Variants in APPBP2 observed in about 807,000 individuals in gnomAD.
APPBP2 encodes the protein amyloid beta precursor protein binding protein 2.
A neutral mutation model predicts 76.0 loss-of-function variants in APPBP2; 15 were observed. The observed-to-expected ratio is 0.20, with a 90% CI of 0.13 to 0.30. The LOEUF is 0.30. APPBP2 is among the 10% of genes least tolerant of loss of function. APPBP2 has a pLI of 1.00. For synonymous variants in APPBP2, 222 were observed against 242.2 expected (o/e 0.92, Z 0.77); for missense variants, 401 against 687.2 (o/e 0.58, Z 4.66).
intron 3 of APPBP2, among the ~76,000 whole-genome samples, chr17:60,479,725 A>G (rs1476500694): frequency 3.9e-5 from 6 of 152,188 alleles, no homozygotes; most frequent in Non-Finnish European, 7.3e-5. Context: ...ATTTTTTTAA[A>G]CAAGAAATTA....
intron 12 of APPBP2, among the ~76,000 whole-genome samples, chr17:60,450,993 T>C (rs1233182187): frequency 6.6e-6 from 1 of 152,180 alleles, no homozygotes; most frequent in African/African-American, 2.4e-5. Context: ...AGGCACTTCA[T>C]AAGATGATGG....
At chr17:60,451,790 T>C in intron 12 of APPBP2, 90 bp downstream of exon 12, 1 of 1,237,452 alleles carries the variant, frequency 8.1e-7, no homozygotes, top group South Asian at 1.5e-5. Flanking sequence ...CATTTAAGTC[T>C]TTAATAACAT....
At chr17:60,482,210 T>A (rs574119632) in intron 3 of APPBP2, among the ~76,000 whole-genome samples, 10 of 152,178 alleles carry the variant, frequency 6.6e-5, no homozygotes, top group Non-Finnish European at 1.2e-4. Context: ...AAACTTAATT[T>A]TAAGAAATGT....
intron 3 of APPBP2, among the ~76,000 whole-genome samples, chr17:60,492,801 T>C (rs1345872155): frequency 6.6e-6 from 1 of 152,194 alleles, no homozygotes; most frequent in African/African-American, 2.4e-5. Flanking sequence ...GACTGTGGAC[T>C]TTTTGAGTTA....
At chr17:60,505,390 A>G (rs1310459926) in intron 1 of APPBP2, among the ~76,000 whole-genome samples, 1 of 152,218 alleles carries the variant, frequency 6.6e-6, no homozygotes, top group African/African-American at 2.4e-5. Context: ...ATCTTGGCTC[A>G]CTGCAAGCTC....
intron 2 of APPBP2, among the ~76,000 whole-genome samples, chr17:60,494,970 T>C (rs1178095934): frequency 1.6e-5 from 2 of 128,968 alleles, no homozygotes; most frequent in Non-Finnish European, 3.0e-5. Context: ...GAAGAGTTTT[T>C]TTTGTTTTGT....
intron 4 of APPBP2, among the ~76,000 whole-genome samples, chr17:60,467,212 T>C (rs2090517890): frequency 6.6e-6 from 1 of 152,114 alleles, no homozygotes; most frequent in East Asian, 1.9e-4. Flanking sequence ...ATCAAGCCAA[T>C]ACAACTTTCT....
At position 60,447,747 on chromosome 17, in the gene APPBP2, T is replaced by C; in HGVS notation, c.1592A>G (p.Glu531Gly). ...IKLYNSIGNY[E>G]KVFEYHNVLS... The stretch of plus-strand genomic sequence containing the variant: ...AACATTGTGATATTCAAACACTTTC[T>C]CGTAATTTCCAATGGAGTTGTAAAG... Residue 531 changes from glutamate to glycine, a missense_variant, in exon 13 of 13, where the codon GAG (glutamate) becomes GGG (glycine). Coordinates refer to ENST00000083182, the MANE Select transcript of APPBP2 (RefSeq NM_006380.5). The C allele has an allele frequency of 6.2e-7, 1 of 1,614,068 alleles. No individual in the cohort carries two copies. Among genetic ancestry groups the C allele is most frequent in the South Asian group, 1.1e-5 (1 of 91,078 alleles).
chr17:60,486,473 T>C (rs904551557), intron 3 of APPBP2, among the ~76,000 whole-genome samples: 1 of 148,300 alleles, frequency 6.7e-6, no homozygotes, highest in South Asian at 2.1e-4. Flanking sequence ...CTTTTGATCT[T>C]TGTTGGTTTA....
At chr17:60,450,778 A>G (rs948709125) in intron 12 of APPBP2, among the ~76,000 whole-genome samples, 2 of 148,970 alleles carry the variant, frequency 1.3e-5, no homozygotes, top group African/African-American at 2.6e-5. Flanking sequence ...TCTCAAAAAA[A>G]AAAAAAGAAA....
At chr17:60,498,548 G>T (rs910297488) in intron 2 of APPBP2, among the ~76,000 whole-genome samples, 1 of 151,976 alleles carries the variant, frequency 6.6e-6, no homozygotes, top group African/African-American at 2.4e-5. Context: ...ATCAATAATA[G>T]AATGAATAAT....
intron 12 of APPBP2, among the ~76,000 whole-genome samples, chr17:60,450,732 T>G (rs1392039844): frequency 2.2e-5 from 3 of 139,404 alleles, no homozygotes; most frequent in Non-Finnish European, 4.6e-5. Flanking sequence ...TGAGCCCTGA[T>G]GTGCACTCCA....
chr17:60,480,868 C>CACTCT (rs1207349286), intron 3 of APPBP2, among the ~76,000 whole-genome samples: 1 of 152,160 alleles, frequency 6.6e-6, no homozygotes, highest in African/African-American at 2.4e-5. Flanking sequence ...GAGCAATGGA[C>CACTCT]ACTCTCCTTC....
intron 1 of APPBP2, among the ~76,000 whole-genome samples, chr17:60,524,299 G>A (rs1299801975): frequency 6.6e-6 from 1 of 152,160 alleles, no homozygotes; most frequent in African/African-American, 2.4e-5. Flanking sequence ...GATTACACAT[G>A]ATTTAATAAA....
intron 6 of APPBP2, 86 bp downstream of exon 6, chr17:60,463,934 TA>T: frequency 1.0e-6 from 1 of 952,832 alleles, no homozygotes; most frequent in Non-Finnish European, 1.6e-6. Flanking sequence ...TACAAATAAC[TA>T]AAATGTTAAA....
At chr17:60,489,146 C>T (rs1189287526) in intron 3 of APPBP2, among the ~76,000 whole-genome samples, 1 of 151,734 alleles carries the variant, frequency 6.6e-6, no homozygotes, top group Non-Finnish European at 1.5e-5. Flanking sequence ...GGCTTGAACC[C>T]GGGAGGAGGA....
chr17:60,520,676 T>TG (rs2091003033), intron 1 of APPBP2, among the ~76,000 whole-genome samples: 1 of 152,116 alleles, frequency 6.6e-6, no homozygotes, highest in Non-Finnish European at 1.5e-5. Context: ...ACTTTGTATT[T>TG]GGAAAAAACA....
chr17:60,512,936 TAAAA>T (rs961836060), intron 1 of APPBP2, among the ~76,000 whole-genome samples: 1 of 137,248 alleles, frequency 7.3e-6, no homozygotes, highest in Non-Finnish European at 1.6e-5. Context: ...AGTCTTCACT[TAAAA>T]AAAAAATTTT....
rs2090479007 is a variant in APPBP2 at position 60,461,979 on chromosome 17, A to C, written c.830+15T>G. 1 of 1,611,628 alleles carries C rather than the reference A, an allele frequency of 6.2e-7. No individual in the cohort carries two copies. On this transcript the variant is annotated intron_variant, in intron 7 of 12. Transcript: ENST00000083182. ...GAGACAATTTAAAAGGATATTTTTA[A>C]TAATAATCACCTACCGTGCCAAATA... is the stretch of plus-strand genomic sequence containing the variant.
Sources: allele counts gnomAD v4.1 joint callset (sites outside exome capture counted in the v4.1 genomes callset), GRCh38; gene constraint gnomAD v4.1.1; transcripts MANE v1.5; gene names NCBI Gene and HGNC (gene_info 2026-07-23, HGNC 2026-07-21).